Variants in TMEM87A observed in about 807,000 individuals in gnomAD.
The protein encoded by TMEM87A is transmembrane protein 87A.
A neutral mutation model predicts 90.0 loss-of-function variants in TMEM87A; 50 were observed. That is an observed-to-expected ratio of 0.56 (90% CI 0.44 to 0.70). The LOEUF (loss-of-function observed/expected upper bound fraction) is 0.70, where lower values mean the gene tolerates loss of function less well. Among genes scored for constraint, TMEM87A ranks in the 30% least tolerant of loss-of-function variants. The pLI, the probability that TMEM87A is intolerant of heterozygous loss-of-function variation, is 0.00. For synonymous variants in TMEM87A, 226 were observed against 226.7 expected (o/e 1.00, Z 0.03); for missense variants, 577 against 660.5 (o/e 0.87, Z 1.39).
At position 42,227,608 on chromosome 15, in the gene TMEM87A, AT is replaced by A. The variant is rs1022142882; in HGVS notation, c.1299+102del. The A allele has an allele frequency of 7.7e-6, 8 of 1,034,218 alleles. No individual in the cohort carries two copies. The African/African-American group carries it at 1.1e-4, about 14-fold the overall frequency. The allele number at this position is 1,034,218 out of a possible 1,614,324, so 64.1% of individuals were successfully genotyped here. ...CCCTCAGAGTAGAGACCTAGCTCTA[AT>A]TTTTTATAAGGTATATAACTTAGAA... On this transcript the variant is annotated intron_variant, in intron 14 of 19. Coordinates refer to ENST00000389834, the MANE Select transcript of TMEM87A (RefSeq NM_015497.5).
chr15:42,225,003 G>C (rs1032953175), intron 15 of TMEM87A, among the ~76,000 whole-genome samples: 1 of 152,186 alleles, frequency 6.6e-6, no homozygotes, highest in Non-Finnish European at 1.5e-5. Flanking sequence ...TCAACAGACG[G>C]ATATAAAAGA....
intron 6 of TMEM87A, chr15:42,258,522 G>C: frequency 2.8e-6 from 1 of 356,980 alleles, no homozygotes; most frequent in Non-Finnish European, 4.0e-6. Flanking sequence ...CACCTCCCAA[G>C]TTCACGCGAT....
chr15:42,218,786 T>G (rs549902719), intron 17 of TMEM87A: 1 of 165,444 alleles, frequency 6.0e-6, no homozygotes, highest in African/African-American at 2.4e-5. Flanking sequence ...TATATCAAAA[T>G]ACACATTTTC....
chr15:42,220,123 T>A lies in TMEM87A; in HGVS notation c.1416A>T (p.Ser472=), dbSNP rs1379468525. Reference sequence around the variant, plus strand: ...CCTCCTCCTCTTCCTCAGACAATGGTGAAAAGGCAAACCTAACAGAACCAA... The same window carrying A: ...CCTCCTCCTCTTCCTCAGACAATGGAGAAAAGGCAAACCTAACAGAACCAA... The part of the protein sequence containing the change: ...PSANNQRFAF[S]PLSEEEEEDE... The change falls in exon 16 of 20, where the codon TCA becomes TCT. Residue 472 remains serine (S), a synonymous_variant. Coordinates refer to ENST00000389834, the MANE Select transcript of TMEM87A (RefSeq NM_015497.5). The A allele has an allele frequency of 1.2e-6, 2 of 1,605,708 alleles. No homozygotes were observed. Among genetic ancestry groups the A allele is most frequent in the Admixed American group, 3.4e-5 (2 of 58,014 alleles).
intron 2 of TMEM87A, among the ~76,000 whole-genome samples, chr15:42,269,878 G>A (rs2051481234): frequency 7.4e-6 from 1 of 135,058 alleles, no homozygotes. Flanking sequence ...GGAGCTTGCA[G>A]TGAGCCGAGA....
intron 9 of TMEM87A, among the ~76,000 whole-genome samples, chr15:42,237,031 AGT>A (rs1187135213): frequency 2.0e-5 from 3 of 152,238 alleles, no homozygotes; most frequent in Admixed American, 6.5e-5. Context: ...ATATTTTATC[AGT>A]TAGATGCACT....
chr15:42,213,951 T>C (rs1481756718), intron 19 of TMEM87A, among the ~76,000 whole-genome samples: 1 of 152,092 alleles, frequency 6.6e-6, no homozygotes, highest in Non-Finnish European at 1.5e-5. Context: ...ACAACTATCA[T>C]GAAGATGTTC....
At chr15:42,264,700 T>TATA (rs35725330) in intron 3 of TMEM87A, among the ~76,000 whole-genome samples, 6 of 5,146 alleles carry the variant, frequency 1.2e-3, no homozygotes, top group Non-Finnish European at 5.1e-3. Flanking sequence ...TATATATATA[T>TATA]TTTTTTTTTA....
At chr15:42,251,673 G>A (rs1205268116) in intron 6 of TMEM87A, among the ~76,000 whole-genome samples, 1 of 152,184 alleles carries the variant, frequency 6.6e-6, no homozygotes, top group Non-Finnish European at 1.5e-5. Context: ...CCTACTGGGA[G>A]GTGTCTCCCA....
chr15:42,250,904 C>G (rs1036147733), intron 6 of TMEM87A, among the ~76,000 whole-genome samples: 5 of 152,196 alleles, frequency 3.3e-5, no homozygotes, highest in Admixed American at 6.5e-5. Flanking sequence ...CCTTTTCACA[C>G]AGTCCCATAT....
chr15:42,260,426 T>C (rs2051266425), intron 6 of TMEM87A, among the ~76,000 whole-genome samples: 1 of 152,178 alleles, frequency 6.6e-6, no homozygotes, highest in Non-Finnish European at 1.5e-5. Flanking sequence ...CTTCATAAAG[T>C]TGTTATAAAA....
chr15:42,217,265 C>G (rs2050399155), intron 19 of TMEM87A, among the ~76,000 whole-genome samples: 3 of 152,110 alleles, frequency 2.0e-5, no homozygotes. Context: ...ACAATCCTAA[C>G]ATAAGACTTC....
chr15:42,226,311 ATT>A (rs558657588), intron 15 of TMEM87A, among the ~76,000 whole-genome samples: 89 of 137,080 alleles, frequency 6.5e-4, no homozygotes, highest in Admixed American at 1.3e-3. Context: ...CTGTGTCGGT[ATT>A]TTTTTTTTTT....
At chr15:42,217,902 T>G in intron 18 of TMEM87A, 69 bp from the exon 19 acceptor site, 1 of 1,472,114 alleles carries the variant, frequency 6.8e-7, no homozygotes, top group Non-Finnish European at 9.3e-7. Context: ...TAAAAGACAA[T>G]GGAATAATGC....
chr15:42,223,802 A>G (rs1595711147), intron 15 of TMEM87A, among the ~76,000 whole-genome samples: 1 of 152,258 alleles, frequency 6.6e-6, no homozygotes. Context: ...AAAAAGTAAC[A>G]ATATTAATTC....
At chr15:42,261,159 T>C in intron 5 of TMEM87A, 37 bp downstream of exon 5, 1 of 1,605,546 alleles carries the variant, frequency 6.2e-7, no homozygotes, top group Non-Finnish European at 8.5e-7. Context: ...CCAAAGTTTT[T>C]ACTGCACTCT....
Position 42,268,002 on chromosome 15 carries a change from T to C in TMEM87A, c.236A>G (p.Asn79Ser), listed in dbSNP as rs758407668. The change falls in exon 3 of 20, where the codon AAT becomes AGT. Residue 79 changes from asparagine to serine, a missense_variant. Asn to Ser is a conservative substitution (Grantham distance 46). Transcript: ENST00000389834. ...AGCGCTTTTCAGATACCAGGTTATA[T>C]TCAAAGACAGGTCACAAGGTTCTCC... is the stretch of plus-strand genomic sequence containing the variant. Reference protein sequence around the residue: ...FDGEPCDLSLNITWYLKSADC... With the variant: ...FDGEPCDLSLSITWYLKSADC... 1 of 1,613,552 alleles carries C rather than the reference T, an allele frequency of 6.2e-7. No individual in the cohort carries two copies. The highest frequency in any genetic ancestry group is 1.1e-5 in the South Asian group (1 of 91,034).
chr15:42,252,083 G>A (rs1033305818), intron 6 of TMEM87A, among the ~76,000 whole-genome samples: 1 of 152,250 alleles, frequency 6.6e-6, no homozygotes, highest in African/African-American at 2.4e-5. Context: ...CTGGTGTGCC[G>A]TTTGCTAAGA....
chr15:42,226,772 C>T (rs1344765913), intron 15 of TMEM87A, 34 bp downstream of exon 15: 8 of 1,580,766 alleles, frequency 5.1e-6, no homozygotes, highest in Non-Finnish European at 7.0e-6. Context: ...ATGGTCATCT[C>T]ATGTTAGCAG....
Sources: allele counts gnomAD v4.1 joint callset (sites outside exome capture counted in the v4.1 genomes callset), GRCh38; gene constraint gnomAD v4.1.1; transcripts MANE v1.5; gene names NCBI Gene and HGNC (gene_info 2026-07-23, HGNC 2026-07-21).